The following TBC1D22A variants were observed in gnomAD, a reference collection of about 807,000 sequenced individuals.
The protein encoded by TBC1D22A is TBC1 domain family member 22A, also known as putative GTPase activator.
Under a neutral mutation model 60.2 loss-of-function variants are expected in TBC1D22A, and 38 were observed. The ratio of observed to expected loss-of-function variants is 0.63; its 90% CI spans 0.49 to 0.83. The LOEUF (loss-of-function observed/expected upper bound fraction) is 0.83, where lower values mean the gene tolerates loss of function less well. Among genes scored for constraint, TBC1D22A ranks in the 40% least tolerant of loss-of-function variants. The pLI, the probability that TBC1D22A is intolerant of heterozygous loss-of-function variation, is 0.00. For missense variants in TBC1D22A, 628 were observed against 701.0 expected (o/e 0.90, Z 1.18); for synonymous variants, 302 against 281.7 (o/e 1.07, Z -0.72).
chr22:46,893,489 T>G (rs1327718600), intron 6 of TBC1D22A, among the ~76,000 whole-genome samples: 3 of 152,148 alleles, frequency 2.0e-5, no homozygotes, highest in Non-Finnish European at 4.4e-5. Flanking sequence ...GCTCAATAAA[T>G]GTGTGACAGG....
At chr22:47,124,082 C>T (rs1043885895) in intron 12 of TBC1D22A, among the ~76,000 whole-genome samples, 4 of 152,168 alleles carry the variant, frequency 2.6e-5, no homozygotes, top group Non-Finnish European at 5.9e-5. Flanking sequence ...GATTAGGCCT[C>T]CCCGAAGAGG....
intron 11 of TBC1D22A, among the ~76,000 whole-genome samples, chr22:47,037,735 AG>A (rs751155643): frequency 3.0e-4 from 45 of 152,316 alleles, no homozygotes; most frequent in Non-Finnish European, 3.4e-4. Flanking sequence ...TTTGTGGCTG[AG>A]TTTCATTCTG....
Position 46,888,000 on chromosome 22 carries a change from C to T in TBC1D22A, c.709-3266C>T, listed in dbSNP as rs1271418759. On this transcript the variant is annotated intron_variant, in intron 5 of 12. Coordinates refer to ENST00000337137, the MANE Select transcript of TBC1D22A (RefSeq NM_014346.5). The stretch of plus-strand genomic sequence containing the variant: ...GTCTGGCTTCATGCTCGAGGCCTGG[C>T]GGCTCTCTGAGTCCCGCTCTCTTTC... Among the ~76,000 whole-genome samples, 4 of 152,146 alleles carry T rather than the reference C, an allele frequency of 2.6e-5. No homozygotes were observed. The South Asian group carries it at 6.2e-4, about 24-fold the overall frequency.
At chr22:47,044,961 C>T (rs573882304) in intron 11 of TBC1D22A, among the ~76,000 whole-genome samples, 3 of 152,298 alleles carry the variant, frequency 2.0e-5, no homozygotes, top group Non-Finnish European at 2.9e-5. Flanking sequence ...TTTGGGCAGG[C>T]GTGTGAAGGC....
rs2084706163 is a variant in TBC1D22A at position 46,797,491 on chromosome 22, C to T, written c.508C>T (p.His170Tyr). ...APLQRSQSLP[H>Y]SATVTLGGTS... Reference sequence around the variant, plus strand: ...TCTGCAGAGGTCCCAGTCTCTCCCACACTCGGCCACCGTCACGCTGGGTGG... The same window carrying T: ...TCTGCAGAGGTCCCAGTCTCTCCCATACTCGGCCACCGTCACGCTGGGTGG... Residue 170 changes from histidine (H) to tyrosine (Y), a missense_variant, in exon 4 of 13, where the codon CAC (histidine) becomes TAC (tyrosine). Physicochemically the swap from His to Tyr is moderately conservative, Grantham distance 83 (BLOSUM62 2). Transcript: ENST00000337137. 1.2e-6 allele frequency: 2 copies of T among 1,613,680 alleles called. No individual in the cohort carries two copies. The highest frequency in any genetic ancestry group is 1.3e-5 in the African/African-American group (1 of 74,898).
At chr22:46,918,972 A>G (rs897618975) in intron 8 of TBC1D22A, among the ~76,000 whole-genome samples, 3 of 152,154 alleles carry the variant, frequency 2.0e-5, no homozygotes, top group African/African-American at 7.2e-5. Context: ...TTTACTTACT[A>G]CTGCTGTTTA....
intron 12 of TBC1D22A, among the ~76,000 whole-genome samples, chr22:47,157,014 C>A (rs971172181): frequency 6.6e-6 from 1 of 152,374 alleles, no homozygotes; most frequent in Admixed American, 6.5e-5. Flanking sequence ...GGACAGATGT[C>A]AGCACTGGGC....
intron 10 of TBC1D22A, among the ~76,000 whole-genome samples, chr22:47,011,917 T>G (rs1217814777): frequency 6.6e-6 from 1 of 152,028 alleles, no homozygotes; most frequent in Non-Finnish European, 1.5e-5. Flanking sequence ...CTAGTATAAA[T>G]GATGAGGATG....
intron 4 of TBC1D22A, among the ~76,000 whole-genome samples, chr22:46,814,158 A>G (rs2085494882): frequency 6.6e-6 from 1 of 152,278 alleles, no homozygotes; most frequent in Non-Finnish European, 1.5e-5. Flanking sequence ...ATTTAAAATT[A>G]CAGATGGTCA....
chr22:47,078,315 G>GT (rs2064311880), intron 11 of TBC1D22A, among the ~76,000 whole-genome samples: 2 of 152,192 alleles, frequency 1.3e-5, no homozygotes, highest in African/African-American at 4.8e-5. Context: ...ACGTGAGTAT[G>GT]TTTCAATCTA....
At chr22:47,148,458 T>C (rs1020770599) in intron 12 of TBC1D22A, among the ~76,000 whole-genome samples, 4 of 152,288 alleles carry the variant, frequency 2.6e-5, no homozygotes, top group African/African-American at 9.6e-5. Context: ...GTGATCTTGG[T>C]TGAGAGAACA....
rs1239184172 is a variant in TBC1D22A, at chr22:46,991,897, G to A, written c.1126-5737G>A. On this transcript the variant is annotated intron_variant, in intron 9 of 12. Transcript: ENST00000337137. ...TCGGGCCGCCGGGGCTCTGCTGCAT[G>A]GTGCCTGAACCCTCTCTCTCATCTC... 2.0e-5 allele frequency among the ~76,000 whole-genome samples: 3 copies of A among 152,268 alleles called. No homozygotes were observed. In the East Asian group the frequency reaches 5.8e-4, roughly 29 times the overall value.
intron 8 of TBC1D22A, among the ~76,000 whole-genome samples, chr22:46,921,106 G>A (rs575293833): frequency 6.6e-6 from 1 of 152,066 alleles, no homozygotes; most frequent in Non-Finnish European, 1.5e-5. Flanking sequence ...TTTATTTTAG[G>A]TTCAAGGGTA....
intron 11 of TBC1D22A, among the ~76,000 whole-genome samples, chr22:47,056,533 C>T (rs2063399380): frequency 6.6e-6 from 1 of 152,184 alleles, no homozygotes; most frequent in African/African-American, 2.4e-5. Flanking sequence ...CCGTCACCAA[C>T]TCCTCCCTCA....
rs1569247869 is a variant in TBC1D22A, at chr22:46,941,388, G to GAATATATATACAGAATATATATACA, written c.1015+29200_1015+29201insAATATATATACAGAATATATATACA. ...GAATATATATACAGAATATATATAC[G>GAATATATATACAGAATATATATACA]GAATATATATACACAGAATATATAT... On this transcript the variant is annotated intron_variant, in intron 8 of 12. Transcript: ENST00000337137. 1.2e-3 allele frequency among the ~76,000 whole-genome samples: 84 copies of GAATATATATACAGAATATATATACA among 67,554 alleles called. 7 individuals are homozygous for GAATATATATACAGAATATATATACA. The Admixed American group carries it at 0.013, about 10-fold the overall frequency. 44.3% of individuals were successfully genotyped at this position (67,554 alleles called of 152,430 possible).
intron 12 of TBC1D22A, among the ~76,000 whole-genome samples, chr22:47,126,950 G>C (rs2066479622): frequency 6.6e-6 from 1 of 152,218 alleles, no homozygotes; most frequent in South Asian, 2.1e-4. Context: ...ATGGACGGAG[G>C]AGAGGCTCAG....
rs2083143479 is a variant in TBC1D22A, at chr22:46,762,783, G to A, written c.-4G>A. 2.8e-6 allele frequency: 4 copies of A among 1,446,554 alleles called. No individual in the cohort carries two copies. Among genetic ancestry groups the A allele is most frequent in the Non-Finnish European group, 3.6e-6 (4 of 1,107,000 alleles). The allele number at this position is 1,446,554 out of a possible 1,614,324, so 89.6% of individuals were successfully genotyped here. A position where few individuals can be genotyped will look rare whatever the true frequency, so the allele number is the denominator to read the frequency against. ...GCCGCGGGTCTGAGGGATGAGGAGG[G>A]GCCATGGCCAGCGACGGGGCCAGGA... is the stretch of plus-strand genomic sequence containing the variant. On this transcript the variant is annotated 5_prime_UTR_variant, in exon 1 of 13. Transcript: ENST00000337137.
chr22:47,005,999 G>C (rs2061579903), intron 10 of TBC1D22A, among the ~76,000 whole-genome samples: 1 of 151,210 alleles, frequency 6.6e-6, no homozygotes, highest in African/African-American at 2.4e-5. Context: ...CGTATACACA[G>C]GTGCCTATAC....
intron 4 of TBC1D22A, among the ~76,000 whole-genome samples, chr22:46,861,111 A>C (rs1426217208): frequency 6.6e-6 from 1 of 151,930 alleles, no homozygotes; most frequent in Non-Finnish European, 1.5e-5. Flanking sequence ...GTGCACCACT[A>C]TGCCTGGGGT....
Sources: gnomAD v4.1 joint callset for allele counts (sites outside exome capture counted in the v4.1 genomes callset) on GRCh38, gnomAD v4.1.1 for gene constraint, MANE v1.5 for transcripts, NCBI Gene and HGNC (gene_info 2026-07-23, HGNC 2026-07-21) for gene names.